The following HGF variants were observed in gnomAD, a reference collection of about 807,000 sequenced individuals.
The protein encoded by HGF is hepatocyte growth factor.
Under a neutral mutation model 111.6 loss-of-function variants are expected in HGF, and 39 were observed. The ratio of observed to expected loss-of-function variants is 0.35; its 90% CI spans 0.27 to 0.46. The LOEUF (loss-of-function observed/expected upper bound fraction) is 0.46, where lower values mean the gene tolerates loss of function less well. HGF is among the 20% of genes least tolerant of loss of function. The probability of loss-of-function intolerance (pLI) is 1.00; values close to 1 mark genes in which losing one functional copy is unlikely to be tolerated. For missense variants in HGF, 735 were observed against 910.5 expected, an observed-to-expected ratio of 0.81 and a Z score of 2.48; for synonymous variants, 285 against 294.8, an observed-to-expected ratio of 0.97 and a Z score of 0.34.
intron 7 of HGF, among the ~76,000 whole-genome samples, chr7:81,735,876 G>A (rs771761099): frequency 3.9e-5 from 6 of 152,002 alleles, no homozygotes; most frequent in Non-Finnish European, 8.8e-5. Context: ...GTCCTTACAT[G>A]GTAGAAAAAC....
rs1170361835 is a variant in HGF at position 81,702,764 on chromosome 7, G to A, written c.2011-7C>T. 2 of 1,608,828 alleles carry A rather than the reference G, an allele frequency of 1.2e-6. No individual in the cohort carries two copies. The highest frequency in any genetic ancestry group is 2.7e-5 in the African/African-American group (2 of 74,716). ...GTGGGCCACCATAATCCCCCTAGGA[G>A]TAAGACATACAAAAACAAAGTATTA... On this transcript the variant is annotated splice_polypyrimidine_tract_variant and splice_region_variant and intron_variant, in intron 17 of 17. Transcript: ENST00000222390.
At chr7:81,706,175 A>G (rs1422976980) in intron 15 of HGF, 112 bp downstream of exon 15, 1 of 908,716 alleles carries the variant, frequency 1.1e-6, no homozygotes, top group East Asian at 2.5e-5. Flanking sequence ...AGCATGTAAC[A>G]TATGTTTATA....
Position 81,699,589 on chromosome 7 carries a change from T to C in HGF, c.*2992A>G, listed in dbSNP as rs1044051663. On this transcript the variant is annotated 3_prime_UTR_variant, in exon 18 of 18. Coordinates refer to ENST00000222390, the MANE Select transcript of HGF (RefSeq NM_000601.6). ...AAAATTCTTTACCACATGATCTCTA[T>C]ATTGCAAAACCAGTATTTCTTTTAA... 1.3e-5 allele frequency: 2 copies of C among 151,786 alleles called. No individual in the cohort carries two copies. The highest frequency in any genetic ancestry group is 4.1e-4 in the South Asian group (2 of 4,834). 9.4% of individuals were successfully genotyped at this position (151,786 alleles called of 1,614,324 possible). A position where few individuals can be genotyped will look rare whatever the true frequency, so the allele number is the denominator to read the frequency against.
In HGF at chr7:81,702,835, G is replaced by T. The variant is rs5745766; in HGVS notation, c.2011-78C>A. 5.2e-3 allele frequency: 6,057 copies of T among 1,173,910 alleles called. 224 individuals are homozygous for T. The African/African-American group carries it at 0.08, about 15-fold the overall frequency. The allele number at this position is 1,173,910 out of a possible 1,614,324, so 72.7% of individuals were successfully genotyped here. A position where few individuals can be genotyped will look rare whatever the true frequency, so the allele number is the denominator to read the frequency against. ...CATTAACATAATCATATATAGATTT[G>T]CATCTCAGAGATATATACAGAAAAA... On this transcript the variant is annotated intron_variant, in intron 17 of 17. Coordinates refer to ENST00000222390, the MANE Select transcript of HGF (RefSeq NM_000601.6).
chr7:81,715,580 T>G (rs962938455), intron 11 of HGF, among the ~76,000 whole-genome samples: 1 of 152,060 alleles, frequency 6.6e-6, no homozygotes, highest in African/African-American at 2.4e-5. Context: ...TATACAGAGT[T>G]TCCCAACCTA....
chr7:81,737,474 C>T (rs1163497087), intron 7 of HGF, among the ~76,000 whole-genome samples: 2 of 151,940 alleles, frequency 1.3e-5, no homozygotes, highest in Non-Finnish European at 1.5e-5. Flanking sequence ...TCCTGAGATC[C>T]TTTCAGGGGT....
At chr7:81,740,407 C>G (rs1787965262) in intron 7 of HGF, among the ~76,000 whole-genome samples, 1 of 152,188 alleles carries the variant, frequency 6.6e-6, no homozygotes, top group African/African-American at 2.4e-5. Context: ...TCCCCACCAA[C>G]TTGTGTACAC....
chr7:81,719,710 G>A (rs1473576112), intron 10 of HGF, among the ~76,000 whole-genome samples: 1 of 152,106 alleles, frequency 6.6e-6, no homozygotes, highest in Admixed American at 6.6e-5. Context: ...TTTGTGAGCT[G>A]CATTGTCTTT....
At position 81,743,536 on chromosome 7, in the gene HGF, C is replaced by T. The variant is rs1788096192; in HGVS notation, c.747-65G>A. 16 of 1,007,202 alleles carry T rather than the reference C, an allele frequency of 1.6e-5. No homozygotes were observed. The Admixed American group carries it at 2.7e-4, about 17-fold the overall frequency. 62.4% of individuals were successfully genotyped at this position (1,007,202 alleles called of 1,614,324 possible). A position where few individuals can be genotyped will look rare whatever the true frequency, so the allele number is the denominator to read the frequency against. The stretch of plus-strand genomic sequence containing the variant: ...TGGAAACACCACCCACCCCTCAGCT[C>T]ACAAAATAACTTTCCACTTAGGTTG... On this transcript the variant is annotated intron_variant, in intron 6 of 17. Transcript: ENST00000222390.
intron 7 of HGF, chr7:81,736,661 A>G: frequency 2.2e-6 from 1 of 448,572 alleles, no homozygotes; most frequent in South Asian, 1.6e-5. Flanking sequence ...TTTTGAAAGC[A>G]GAAGGCATGG....
chr7:81,743,664 C>T (rs551594253), intron 6 of HGF, among the ~76,000 whole-genome samples, 193 bp from the exon 7 acceptor site: 1 of 152,284 alleles, frequency 6.6e-6, no homozygotes, highest in South Asian at 2.1e-4. Context: ...CCACTAAGGA[C>T]AGAGTATCAT....
At chr7:81,767,447 T>A (rs968278127) in intron 1 of HGF, among the ~76,000 whole-genome samples, 1 of 152,204 alleles carries the variant, frequency 6.6e-6, no homozygotes, top group Non-Finnish European at 1.5e-5. Context: ...AAGTGAGATG[T>A]ACTTTACTAC....
chr7:81,713,614 T>C (rs2115819328), intron 11 of HGF, among the ~76,000 whole-genome samples: 1 of 152,290 alleles, frequency 6.6e-6, no homozygotes, highest in South Asian at 2.1e-4. Context: ...TTTTGCTTTC[T>C]CTAATCCAGT....
intron 5 of HGF, among the ~76,000 whole-genome samples, chr7:81,749,808 T>G (rs1788417982): frequency 6.6e-6 from 1 of 152,024 alleles, no homozygotes; most frequent in South Asian, 2.1e-4. Context: ...ACAATTCTTT[T>G]AATTTTAAAC....
At chr7:81,739,307 T>G (rs961750877) in intron 7 of HGF, among the ~76,000 whole-genome samples, 3 of 152,154 alleles carry the variant, frequency 2.0e-5, no homozygotes, top group Non-Finnish European at 2.9e-5. Flanking sequence ...TGTGTTGTAT[T>G]TTGTGTTGAA....
chr7:81,731,567 C>A (rs2115941041), intron 7 of HGF, among the ~76,000 whole-genome samples: 1 of 152,190 alleles, frequency 6.6e-6, no homozygotes, highest in South Asian at 2.1e-4. Flanking sequence ...ATCCAAAGGT[C>A]TTTGGTGAAA....
chr7:81,746,289 C>T (rs918758531), intron 5 of HGF, among the ~76,000 whole-genome samples: 5 of 152,080 alleles, frequency 3.3e-5, no homozygotes, highest in African/African-American at 1.2e-4. Context: ...ACTCGGCTTC[C>T]CTTCATTTGA....
rs542990087 is a variant in HGF at position 81,721,832 on chromosome 7, T to C, written c.1169-985A>G. On this transcript the variant is annotated intron_variant, in intron 9 of 17. Coordinates refer to ENST00000222390, the MANE Select transcript of HGF (RefSeq NM_000601.6). ...CTCTGTATTTAACAAAAAAATCGGT[T>C]GGGGCCTTTGAGTCTGAATAAATAT... Among the ~76,000 whole-genome samples, 3 of 152,352 alleles carry C rather than the reference T, an allele frequency of 2.0e-5. No individual in the cohort carries two copies. In the South Asian group the frequency reaches 6.2e-4, roughly 32 times the overall value.
At chr7:81,745,223 A>T (rs987505596) in intron 5 of HGF, 103 bp from the exon 6 acceptor site, 14 of 1,229,706 alleles carry the variant, frequency 1.1e-5, no homozygotes, top group Middle Eastern at 1.9e-4. Flanking sequence ...ACAGATTTTT[A>T]AAAAATCCTA....
Sources: allele counts gnomAD v4.1 joint callset (sites outside exome capture counted in the v4.1 genomes callset), GRCh38; gene constraint gnomAD v4.1.1; transcripts MANE v1.5; gene names NCBI Gene and HGNC (gene_info 2026-07-23, HGNC 2026-07-21).